STXBP5: variants seen among roughly 807,000 people sequenced by gnomAD.
STXBP5 encodes the protein syntaxin binding protein 5, also known as syntaxin-binding protein 5.
Under a neutral mutation model 152.4 loss-of-function variants are expected in STXBP5, and 50 were observed. The ratio of observed to expected loss-of-function variants is 0.33; its 90% CI spans 0.26 to 0.42. The LOEUF (loss-of-function observed/expected upper bound fraction) is 0.42, where lower values mean the gene tolerates loss of function less well. STXBP5 is among the 10% of genes least tolerant of loss of function. The pLI, the probability that STXBP5 is intolerant of heterozygous loss-of-function variation, is 1.00. For synonymous variants in STXBP5, 492 were observed against 494.7 expected (o/e 0.99, Z 0.07); for missense variants, 1,167 against 1,388.6 (o/e 0.84, Z 2.54).
intron 23 of STXBP5, among the ~76,000 whole-genome samples, chr6:147,363,112 G>A (rs560272002): frequency 6.6e-6 from 1 of 152,312 alleles, no homozygotes; most frequent in South Asian, 2.1e-4. Context: ...TAAATTGTGA[G>A]TGATCATTAG....
chr6:147,244,361 TC>T (rs2115238780), intron 4 of STXBP5, among the ~76,000 whole-genome samples: 1 of 152,308 alleles, frequency 6.6e-6, no homozygotes, highest in African/African-American at 2.4e-5. Flanking sequence ...GTCTTCTTGT[TC>T]AGTATTATGT....
chr6:147,277,128 A>T (rs1468823755), intron 7 of STXBP5, among the ~76,000 whole-genome samples: 2 of 152,134 alleles, frequency 1.3e-5, no homozygotes, highest in Non-Finnish European at 2.9e-5. Context: ...TTAGAAGTAT[A>T]GCTGATTATC....
intron 20 of STXBP5, 38 bp from the exon 21 acceptor site, chr6:147,339,299 C>A: frequency 6.6e-7 from 1 of 1,511,850 alleles, no homozygotes; most frequent in South Asian, 1.3e-5. Context: ...TTTACTTTGA[C>A]TAGATTTTGA....
chr6:147,278,287 G>T (rs1468183223), intron 8 of STXBP5, 83 bp downstream of exon 8: 1 of 1,335,160 alleles, frequency 7.5e-7, no homozygotes, highest in East Asian at 2.7e-5. Context: ...TGATTTGTTT[G>T]TTTGATTTTT....
intron 16 of STXBP5, among the ~76,000 whole-genome samples, chr6:147,323,392 C>T (rs1271180248): frequency 1.3e-5 from 2 of 151,586 alleles, no homozygotes; most frequent in African/African-American, 2.4e-5. Flanking sequence ...GCCTTTAATT[C>T]TTCTTTTTTT....
intron 8 of STXBP5, among the ~76,000 whole-genome samples, chr6:147,278,481 A>G (rs1233253624): frequency 1.3e-5 from 2 of 152,198 alleles, no homozygotes; most frequent in African/African-American, 4.8e-5. Context: ...AGTCCAGAAA[A>G]TAATAGTTTT....
intron 21 of STXBP5, among the ~76,000 whole-genome samples, chr6:147,348,692 A>G (rs1784450041): frequency 6.6e-6 from 1 of 152,006 alleles, no homozygotes; most frequent in Admixed American, 6.6e-5. Flanking sequence ...CTCCTATAAA[A>G]CTCTATCCTA....
chr6:147,310,299 AG>A, intron 10 of STXBP5, 61 bp downstream of exon 10: 31 of 1,232,780 alleles, frequency 2.5e-5, no homozygotes, highest in Non-Finnish European at 3.0e-5. Flanking sequence ...AAAAAAAAAA[AG>A]ACCTAGGTTG....
At position 147,239,202 on chromosome 6, in the gene STXBP5, C is replaced by G. The variant is rs767951118; in HGVS notation, c.363C>G (p.Thr121=). The part of the protein sequence containing the change: ...GALVSALADD[T]LHLWNLRQKR... Reference sequence around the variant, plus strand: ...TTGTGAGTGCCTTGGCTGATGACACCTTACACTTATGGAATTTACGTCAGA... The same window carrying G: ...TTGTGAGTGCCTTGGCTGATGACACGTTACACTTATGGAATTTACGTCAGA... Residue 121 remains threonine, a synonymous_variant, in exon 4 of 28, where the codon ACC becomes ACG. Transcript: ENST00000321680. The G allele has an allele frequency of 6.2e-6, 10 of 1,613,558 alleles. No individual in the cohort carries two copies. Among genetic ancestry groups the G allele is most frequent in the East Asian group, 2.2e-5 (1 of 44,802 alleles).
intron 3 of STXBP5, 145 bp from the exon 4 acceptor site, chr6:147,239,025 T>C (rs1051461922): frequency 1.5e-6 from 1 of 648,556 alleles, no homozygotes; most frequent in Non-Finnish European, 2.5e-6. Context: ...TGTTTTGAAT[T>C]TGAATGAGGC....
chr6:147,299,291 C>T (rs1781687860), intron 9 of STXBP5, among the ~76,000 whole-genome samples: 1 of 150,008 alleles, frequency 6.7e-6, no homozygotes, highest in South Asian at 2.1e-4. Flanking sequence ...ATACAGCCTA[C>T]CAAGATTGAC....
At position 147,216,689 on chromosome 6, in the gene STXBP5, A is replaced by AAT. The variant is rs555809925; in HGVS notation, c.248+10630_248+10631dup. Among the ~76,000 whole-genome samples the AAT allele has an allele frequency of 3.8e-3, 585 of 152,236 alleles. 7 individuals carry two copies. Among genetic ancestry groups the AAT allele is most frequent in the South Asian group, 0.01 (50 of 4,824 alleles). ...GTATTCTTTTGGAAGTATATGTAAA[A>AAT]ATATATATATGACAAATAAATGAAA... is the stretch of plus-strand genomic sequence containing the variant. On this transcript the variant is annotated intron_variant, in intron 2 of 27. Transcript: ENST00000321680.
chr6:147,247,294 C>T (rs949451087), intron 4 of STXBP5, among the ~76,000 whole-genome samples: 5 of 152,142 alleles, frequency 3.3e-5, no homozygotes, highest in Non-Finnish European at 4.4e-5. Context: ...AGTGTACAGG[C>T]ATTAGAAATG....
At chr6:147,206,145 A>G in intron 2 of STXBP5, 77 bp downstream of exon 2, 1 of 1,304,612 alleles carries the variant, frequency 7.7e-7, no homozygotes, top group Non-Finnish European at 1.1e-6. Context: ...TTAGTTCCAA[A>G]GAAAGTTTTT....
At chr6:147,335,584 C>T (rs1448318878) in intron 19 of STXBP5, among the ~76,000 whole-genome samples, 1 of 152,090 alleles carries the variant, frequency 6.6e-6, no homozygotes, top group Non-Finnish European at 1.5e-5. Context: ...ATACATCTAG[C>T]CCTTTGAAAT....
At chr6:147,372,802 C>T (rs1301592751) in intron 25 of STXBP5, among the ~76,000 whole-genome samples, 1 of 152,040 alleles carries the variant, frequency 6.6e-6, no homozygotes, top group Non-Finnish European at 1.5e-5. Flanking sequence ...AGTAACATGT[C>T]AGCAGTCTTT....
chr6:147,339,418 C>A (rs769530034), intron 21 of STXBP5, 34 bp downstream of exon 21: 2 of 1,448,030 alleles, frequency 1.4e-6, no homozygotes, highest in South Asian at 3.0e-5. Context: ...TGTTTCTAAT[C>A]CTTGCTATAT....
At chr6:147,335,988 T>C (rs540636755) in intron 19 of STXBP5, among the ~76,000 whole-genome samples, 54 of 152,346 alleles carry the variant, frequency 3.5e-4, no homozygotes, top group Non-Finnish European at 7.1e-4. Flanking sequence ...ATGTTTGAAA[T>C]GCAAAGTAAA....
rs1250553366 is a variant in STXBP5 at position 147,389,881 on chromosome 6, C to G, written c.*5126C>G. On this transcript the variant is annotated 3_prime_UTR_variant, in exon 28 of 28. Transcript: ENST00000321680. ...TACTGTGATACTTTAGGTGTGACCT[C>G]TATTCCACATGATAGTTAGAACCAG... is the stretch of plus-strand genomic sequence containing the variant. 1.3e-5 allele frequency: 2 copies of G among 151,508 alleles called. No homozygotes were observed. The highest frequency in any genetic ancestry group is 6.6e-5 in the Admixed American group (1 of 15,212). 9.4% of individuals were successfully genotyped at this position (151,508 alleles called of 1,614,324 possible). A position where few individuals can be genotyped will look rare whatever the true frequency, so the allele number is the denominator to read the frequency against.
Sources: allele counts gnomAD v4.1 joint callset (sites outside exome capture counted in the v4.1 genomes callset), GRCh38; gene constraint gnomAD v4.1.1; transcripts MANE v1.5; gene names NCBI Gene and HGNC (gene_info 2026-07-23, HGNC 2026-07-21).